SLC12A6: variants seen among roughly 807,000 people sequenced by gnomAD.
SLC12A6 encodes solute carrier family 12 member 6.
In SLC12A6, 66 loss-of-function variants were observed where a neutral mutation model predicts 135.3. The ratio of observed to expected loss-of-function variants is 0.49; its 90% CI spans 0.40 to 0.60. SLC12A6 has a LOEUF of 0.60. SLC12A6 is among the 20% of genes least tolerant of loss of function. The pLI is 0.00. For synonymous variants in SLC12A6, 513 were observed against 508.8 expected, an observed-to-expected ratio of 1.01 and a Z score of -0.11; for missense variants, 1,058 against 1,452.3, an observed-to-expected ratio of 0.73 and a Z score of 4.41.
chr15:34,272,795 G>A (rs570284507), intron 3 of SLC12A6, among the ~76,000 whole-genome samples: 3 of 152,314 alleles, frequency 2.0e-5, no homozygotes, highest in Admixed American at 1.3e-4. Flanking sequence ...TACTAGAACT[G>A]TATCAACTTT....
chr15:34,322,417 G>A (rs1033859124), intron 2 of SLC12A6, among the ~76,000 whole-genome samples: 3 of 151,846 alleles, frequency 2.0e-5, no homozygotes, highest in African/African-American at 7.2e-5. Flanking sequence ...TTCACTGTAC[G>A]AAAAGTTTAC....
chr15:34,249,691 T>C (rs76317633), intron 13 of SLC12A6, among the ~76,000 whole-genome samples: 9,318 of 152,328 alleles, frequency 0.061, 324 homozygotes, highest in Non-Finnish European at 0.073. Context: ...AAGGAGATGC[T>C]AGAGACACTT....
chr15:34,252,532 A>C, intron 9 of SLC12A6, 148 bp from the exon 10 acceptor site: 3 of 625,864 alleles, frequency 4.8e-6, no homozygotes, highest in Non-Finnish European at 8.5e-6. Context: ...TTATTTATTT[A>C]TAATTTATTT....
rs145036632 is a variant in SLC12A6 at position 34,315,430 on chromosome 15, T to C, written c.271+20980A>G. 2.6e-3 allele frequency among the ~76,000 whole-genome samples: 401 copies of C among 152,172 alleles called. 6 individuals carry two copies. The highest frequency in any genetic ancestry group is 9.1e-3 in the African/African-American group (379 of 41,496). On this transcript the variant is annotated intron_variant, in intron 2 of 25. Coordinates refer to ENST00000354181, the MANE Select transcript of SLC12A6 (RefSeq NM_001365088.1). ...TCATTAGCATTTTTTGGTAATAAAG[T>C]ATATTTTAGAGCCAGGAATGGTAGT... is the stretch of plus-strand genomic sequence containing the variant.
At chr15:34,269,418 C>T (rs1350140202) in intron 3 of SLC12A6, among the ~76,000 whole-genome samples, 1 of 151,972 alleles carries the variant, frequency 6.6e-6, no homozygotes, top group Non-Finnish European at 1.5e-5. Context: ...ACCACTTATA[C>T]TATAATTTGG....
Position 34,336,752 on chromosome 15 carries a change from A to C in SLC12A6, c.-72T>G. On this transcript the variant is annotated splice_region_variant and 5_prime_UTR_variant, in exon 2 of 26. Transcript: ENST00000354181. ...CTTCCTCTTACGCTAGCTACTTTTG[A>C]CTGCAATACAAAAGATAACTTGAAA... 3 of 1,175,152 alleles carry C rather than the reference A, an allele frequency of 2.6e-6. No homozygotes were observed. Among genetic ancestry groups the C allele is most frequent in the Non-Finnish European group, 3.8e-6 (3 of 781,820 alleles). The allele number at this position is 1,175,152 out of a possible 1,614,324, so 72.8% of individuals were successfully genotyped here.
At chr15:34,284,862 A>T (rs553139690) in intron 2 of SLC12A6, among the ~76,000 whole-genome samples, 4 of 152,364 alleles carry the variant, frequency 2.6e-5, no homozygotes, top group African/African-American at 7.2e-5. Flanking sequence ...ATAATGTGAC[A>T]TCTGAGCAGA....
At position 34,252,185 on chromosome 15, in the gene SLC12A6, T is replaced by C. The variant is rs1892438412; in HGVS notation, c.1318A>G (p.Ser440Gly). ...CCTAACTTACCTGTAATTATACCACTAGCCAATCCAGGAATGCCCTGGATT... is the reference window on the plus strand; with the variant it reads ...CCTAACTTACCTGTAATTATACCACCAGCCAATCCAGGAATGCCCTGGATT... ...TSIQGIPGLASGIITENLWSN... is the reference protein window; with the variant it reads ...TSIQGIPGLAGGIITENLWSN... The change falls in exon 10 of 26, where the codon AGT becomes GGT. Residue 440 changes from serine (S) to glycine (G), a missense_variant. Physicochemically the swap from Ser to Gly is moderately conservative, Grantham distance 56. Coordinates refer to ENST00000354181, the MANE Select transcript of SLC12A6 (RefSeq NM_001365088.1). The C allele has an allele frequency of 6.4e-7, 1 of 1,574,648 alleles. No homozygotes were observed. Among genetic ancestry groups the C allele is most frequent in the Non-Finnish European group, 8.7e-7 (1 of 1,144,152 alleles).
chr15:34,241,842 G>A (rs566907698), intron 17 of SLC12A6, among the ~76,000 whole-genome samples: 6 of 152,248 alleles, frequency 3.9e-5, no homozygotes, highest in African/African-American at 1.4e-4. Flanking sequence ...TTACATTTGT[G>A]TTGTACTTTG....
At chr15:34,271,820 T>C (rs1566829404) in intron 3 of SLC12A6, among the ~76,000 whole-genome samples, 1 of 152,180 alleles carries the variant, frequency 6.6e-6, no homozygotes, top group Non-Finnish European at 1.5e-5. Flanking sequence ...GGCTTTTATA[T>C]ATCCAATTCA....
chr15:34,253,296 A>G (rs145210200), intron 9 of SLC12A6, among the ~76,000 whole-genome samples: 48 of 152,314 alleles, frequency 3.2e-4, no homozygotes, highest in African/African-American at 1.1e-3. Flanking sequence ...CAAAGAAAAT[A>G]CCATGCATTA....
intron 4 of SLC12A6, among the ~76,000 whole-genome samples, chr15:34,260,179 T>C (rs536757636): frequency 1.3e-5 from 2 of 152,298 alleles, no homozygotes; most frequent in African/African-American, 4.8e-5. Flanking sequence ...AAATATCACA[T>C]TGTAATCCAT....
intron 2 of SLC12A6, among the ~76,000 whole-genome samples, chr15:34,323,723 G>A (rs9630418): frequency 0.18 from 26,844 of 151,974 alleles, 2,584 homozygotes; most frequent in East Asian, 0.33. Flanking sequence ...GGCCAAAGTG[G>A]AAGGACTGCT....
In SLC12A6 at chr15:34,257,749, A is replaced by G. The variant is rs1402849549; in HGVS notation, c.583T>C (p.Cys195Arg). 1 of 1,610,096 alleles carries G rather than the reference A, an allele frequency of 6.2e-7. No homozygotes were observed. Among genetic ancestry groups the G allele is most frequent in the Non-Finnish European group, 8.5e-7 (1 of 1,176,290 alleles). ...ATCACTCCAAAAATATTTTGTAGAC[A>G]TGGGAGGTAGACACCCATGAAGGTA... is the stretch of plus-strand genomic sequence containing the variant. ...MGTFMGVYLPCLQNIFGVILF... is the reference protein window; with the variant it reads ...MGTFMGVYLPRLQNIFGVILF... The change falls in exon 6 of 26, where the codon TGT (cysteine) becomes CGT (arginine). Residue 195 changes from cysteine (C) to arginine (R), a missense_variant. Physicochemically the swap from Cys to Arg is radical, Grantham distance 180. This residue lies in a region of SLC12A6 where 139 missense variants were observed against 202.2 expected (regional missense o/e 0.69). Coordinates refer to ENST00000354181, the MANE Select transcript of SLC12A6 (RefSeq NM_001365088.1).
In SLC12A6 at chr15:34,229,924, G is replaced by A; in HGVS notation, c.*3957C>T. The A allele has an allele frequency of 2.5e-6, 2 of 799,572 alleles. No homozygotes were observed. The highest frequency in any genetic ancestry group is 4.3e-6 in the Non-Finnish European group (2 of 465,244). 49.5% of individuals were successfully genotyped at this position (799,572 alleles called of 1,614,324 possible). ...ACCAAAAGACTCTTTTCTCCATGGT[G>A]GGGTGACAGGTCCTAGAAGGACAAT... On this transcript the variant is annotated 3_prime_UTR_variant, in exon 26 of 26. Transcript: ENST00000354181.
chr15:34,282,424 G>A (rs372393782), intron 2 of SLC12A6, among the ~76,000 whole-genome samples: 1 of 152,056 alleles, frequency 6.6e-6, no homozygotes, highest in South Asian at 2.1e-4. Context: ...TTTGGGAAAC[G>A]TTGAACTAAT....
rs1425025563 is a variant in SLC12A6 at position 34,310,567 on chromosome 15, G to GTA, written c.271+25842_271+25843insTA. Among the ~76,000 whole-genome samples, 17 of 99,278 alleles carry GTA rather than the reference G, an allele frequency of 1.7e-4. 1 individual carries two copies. Among genetic ancestry groups the GTA allele is most frequent in the African/African-American group, 6.2e-4 (11 of 17,692 alleles). The allele number at this position is 99,278 out of a possible 152,430, so 65.1% of individuals were successfully genotyped here. On this transcript the variant is annotated intron_variant, in intron 2 of 25. Coordinates refer to ENST00000354181, the MANE Select transcript of SLC12A6 (RefSeq NM_001365088.1). Reference sequence around the variant, plus strand: ...CTCAACTGTGTGTGTGTGTGTGTGTGTGTATGTGTGTGTGTGTGTGTGTGT... The same window carrying GTA: ...CTCAACTGTGTGTGTGTGTGTGTGTGTATGTATGTGTGTGTGTGTGTGTGTGT...
In SLC12A6 at chr15:34,308,832, A is replaced by C. The variant is rs181077992; in HGVS notation, c.271+27578T>G. On this transcript the variant is annotated intron_variant, in intron 2 of 25. Transcript: ENST00000354181. ...AAATCCATGAAGATAATAGAGCTTA[A>C]GAAGAACTAGTAACTACTGAAAAAA... Among the ~76,000 whole-genome samples, 795 of 152,282 alleles carry C rather than the reference A, an allele frequency of 5.2e-3. 6 individuals are homozygous for C. Among genetic ancestry groups the C allele is most frequent in the Middle Eastern group, 0.031 (9 of 294 alleles).
chr15:34,285,717 T>TGTATACACACACACACACACA lies in SLC12A6; in HGVS notation c.272-10329_272-10328insTGTGTGTGTGTGTGTGTATAC, dbSNP rs144158165. Among the ~76,000 whole-genome samples, 8 of 131,112 alleles carry TGTATACACACACACACACACA rather than the reference T, an allele frequency of 6.1e-5. No homozygotes were observed. In the East Asian group the frequency reaches 1.5e-3, roughly 25 times the overall value. The allele number at this position is 131,112 out of a possible 152,430, so 86.0% of individuals were successfully genotyped here. ...ATGTGTGTGTGTGTGTGTGTGTTTGTCATACATAAAATGGAATATTATTCA... is the reference window on the plus strand; with the variant it reads ...ATGTGTGTGTGTGTGTGTGTGTTTGTGTATACACACACACACACACACATACATAAAATGGAATATTATTCA... On this transcript the variant is annotated intron_variant, in intron 2 of 25. Coordinates refer to ENST00000354181, the MANE Select transcript of SLC12A6 (RefSeq NM_001365088.1).
Sources: gnomAD v4.1 joint callset for allele counts (sites outside exome capture counted in the v4.1 genomes callset) on GRCh38, gnomAD v4.1.1 for gene constraint, gnomAD v4.1.1 regional missense constraint, MANE v1.5 for transcripts, NCBI Gene and HGNC (gene_info 2026-07-23, HGNC 2026-07-21) for gene names.